Variants in ATP6V1C1 observed in about 807,000 individuals in gnomAD.
ATP6V1C1 encodes V-type proton ATPase subunit C 1.
ATP6V1C1 carries 45 observed loss-of-function variants against 53.9 expected under a neutral mutation model. The observed-to-expected ratio is 0.83, with a 90% CI of 0.66 to 1.07. ATP6V1C1 has a LOEUF of 1.07. Among genes scored for constraint, ATP6V1C1 ranks in the 50% least tolerant of loss-of-function variants. ATP6V1C1 has a pLI of 0.00. For missense variants in ATP6V1C1, 315 were observed against 440.3 expected (o/e 0.72, Z 2.55); for synonymous variants, 153 against 155.2 (o/e 0.99, Z 0.11).
chr8:103,066,635 CTG>C, intron 12 of ATP6V1C1, among the ~76,000 whole-genome samples, 188 bp downstream of exon 12: 1 of 152,224 alleles, frequency 6.6e-6, no homozygotes, highest in South Asian at 2.1e-4. Flanking sequence ...CTAATTATAT[CTG>C]TGTTTTGCTT....
chr8:103,040,022 A>G (rs1816967926), intron 1 of ATP6V1C1, among the ~76,000 whole-genome samples: 1 of 152,198 alleles, frequency 6.6e-6, no homozygotes, highest in African/African-American at 2.4e-5. Context: ...CTAGCCATGT[A>G]GGATTTGCTA....
intron 3 of ATP6V1C1, among the ~76,000 whole-genome samples, chr8:103,048,007 G>A (rs976496377): frequency 1.3e-5 from 2 of 152,190 alleles, no homozygotes; most frequent in African/African-American, 4.8e-5. Context: ...TGAAGGTAGT[G>A]ATTTTGTCTT....
intron 3 of ATP6V1C1, among the ~76,000 whole-genome samples, chr8:103,043,946 T>G (rs1391413259): frequency 6.6e-6 from 1 of 152,208 alleles, no homozygotes; most frequent in Admixed American, 6.5e-5. Flanking sequence ...TGGAATGCAG[T>G]GGCCAGATGT....
intron 1 of ATP6V1C1, among the ~76,000 whole-genome samples, chr8:103,038,484 G>A (rs1235116840): frequency 6.6e-6 from 1 of 152,148 alleles, no homozygotes; most frequent in Non-Finnish European, 1.5e-5. Context: ...GACATATCCT[G>A]TAATTCAGCT....
intron 4 of ATP6V1C1, among the ~76,000 whole-genome samples, chr8:103,049,826 A>G (rs969223405): frequency 1.3e-5 from 2 of 152,210 alleles, no homozygotes; most frequent in East Asian, 1.9e-4. Flanking sequence ...AAGTAGTGGC[A>G]TATGCCTGTA....
rs1002037779 is a variant in ATP6V1C1, at chr8:103,071,097, C to T, written c.*2350C>T. ...GAGGGTTAGAAGGAAGTCATTGTGT[C>T]TAACATAACAACAGAGCAGTTTGTG... On this transcript the variant is annotated 3_prime_UTR_variant, in exon 13 of 13. Transcript: ENST00000518738. 6.6e-6 allele frequency: 1 copy of T among 152,208 alleles called. No individual in the cohort carries two copies. The highest frequency in any genetic ancestry group is 6.5e-5 in the Admixed American group (1 of 15,278). The allele number at this position is 152,208 out of a possible 1,614,324, so 9.4% of individuals were successfully genotyped here.
chr8:103,045,182 A>T (rs1052925561), intron 3 of ATP6V1C1, among the ~76,000 whole-genome samples: 2 of 152,122 alleles, frequency 1.3e-5, no homozygotes. Flanking sequence ...ATAGAAGGGA[A>T]TTTTTTCTTG....
At chr8:103,046,786 C>G (rs1563605131) in intron 3 of ATP6V1C1, among the ~76,000 whole-genome samples, 3 of 152,096 alleles carry the variant, frequency 2.0e-5, no homozygotes, top group Admixed American at 6.5e-5. Flanking sequence ...TGTGGTAAAT[C>G]ATAGTTTGTA....
intron 3 of ATP6V1C1, among the ~76,000 whole-genome samples, chr8:103,047,852 G>T (rs1390919310): frequency 6.6e-6 from 1 of 152,196 alleles, no homozygotes; most frequent in African/African-American, 2.4e-5. Flanking sequence ...GGGCTTTCTT[G>T]ATTGGGTAGC....
intron 12 of ATP6V1C1, among the ~76,000 whole-genome samples, chr8:103,067,898 C>CT (rs1339090977): frequency 6.6e-6 from 1 of 152,136 alleles, no homozygotes; most frequent in Non-Finnish European, 1.5e-5. Flanking sequence ...ACTTGCTCCA[C>CT]TTTCATGCAA....
chr8:103,034,560 T>A (rs1816857995), intron 1 of ATP6V1C1, among the ~76,000 whole-genome samples: 1 of 144,756 alleles, frequency 6.9e-6, no homozygotes, highest in Non-Finnish European at 1.5e-5. Context: ...TTCTTAAATT[T>A]CAAGGATAAT....
At position 103,040,796 on chromosome 8, in the gene ATP6V1C1, A is replaced by C; in HGVS notation, c.-39-2A>C. 1 of 1,587,252 alleles carries C rather than the reference A, an allele frequency of 6.3e-7. No individual in the cohort carries two copies. Among genetic ancestry groups the C allele is most frequent in the Non-Finnish European group, 8.6e-7 (1 of 1,168,532 alleles). The stretch of plus-strand genomic sequence containing the variant: ...ATTTTTTTTATTTGTTTTACATTTC[A>C]GAATCTCTCTTGATTTTTGAGGAAA... On this transcript the variant is annotated splice_acceptor_variant, in intron 1 of 12. Transcript: ENST00000518738. LOFTEE classifies it low-confidence loss of function (5UTR_SPLICE).
At chr8:103,027,957 T>G (rs147069261) in intron 1 of ATP6V1C1, among the ~76,000 whole-genome samples, 117 of 152,174 alleles carry the variant, frequency 7.7e-4, no homozygotes, top group African/African-American at 2.6e-3. Context: ...TTTCTCAGAG[T>G]CTATTACAGT....
At chr8:103,047,336 G>A (rs1010863718) in intron 3 of ATP6V1C1, among the ~76,000 whole-genome samples, 10 of 148,052 alleles carry the variant, frequency 6.8e-5, no homozygotes, top group Non-Finnish European at 1.2e-4. Flanking sequence ...GAGCCCAGAT[G>A]TTCAAAGCTG....
At chr8:103,050,284 T>A (rs1390982706) in intron 4 of ATP6V1C1, among the ~76,000 whole-genome samples, 1 of 152,216 alleles carries the variant, frequency 6.6e-6, no homozygotes, top group East Asian at 1.9e-4. Context: ...ACTAGGGCAG[T>A]CAGTCTAGTA....
chr8:103,048,979 C>G, intron 4 of ATP6V1C1, 24 bp downstream of exon 4: 1 of 1,596,444 alleles, frequency 6.3e-7, no homozygotes, highest in Non-Finnish European at 8.6e-7. Flanking sequence ...CATGATTGAT[C>G]ATTATTAACT....
chr8:103,023,434 T>A (rs765918510), intron 1 of ATP6V1C1, among the ~76,000 whole-genome samples: 1 of 152,138 alleles, frequency 6.6e-6, no homozygotes, highest in Non-Finnish European at 1.5e-5. Flanking sequence ...AATGTTTAAC[T>A]GTATTCACTT....
At chr8:103,059,892 ACACACC>A (rs767178420) in intron 8 of ATP6V1C1, among the ~76,000 whole-genome samples, 1,679 of 10,510 alleles carry the variant, frequency 0.16, 28 homozygotes, top group African/African-American at 0.35. Context: ...ACACACACAC[ACACACC>A]CACACACCCA....
At chr8:103,027,970 T>G (rs1340165023) in intron 1 of ATP6V1C1, among the ~76,000 whole-genome samples, 1 of 152,206 alleles carries the variant, frequency 6.6e-6, no homozygotes, top group African/African-American at 2.4e-5. Context: ...ATTACAGTTT[T>G]GGGAACTTAA....
Sources: allele counts gnomAD v4.1 joint callset (sites outside exome capture counted in the v4.1 genomes callset), GRCh38; gene constraint gnomAD v4.1.1; transcripts MANE v1.5; gene names NCBI Gene and HGNC (gene_info 2026-07-23, HGNC 2026-07-21).